The following PEX7 variants were observed in gnomAD, a reference collection of about 807,000 sequenced individuals.
PEX7 encodes the protein PTS2 receptor.
A neutral mutation model predicts 47.5 loss-of-function variants in PEX7; 34 were observed. The ratio of observed to expected loss-of-function variants is 0.72; its 90% confidence interval spans 0.54 to 0.95. The LOEUF (loss-of-function observed/expected upper bound fraction) is 0.95, where lower values mean the gene tolerates loss of function less well. Ranked by LOEUF, PEX7 falls within the 40% of genes least tolerant of loss-of-function variation. The probability of loss-of-function intolerance (pLI) is 0.00; values close to 1 mark genes in which losing one functional copy is unlikely to be tolerated. For synonymous variants in PEX7, 141 were observed against 148.8 expected (o/e 0.95, Z 0.38); for missense variants, 394 against 400.3 (o/e 0.98, Z 0.13).
chr6:136,845,924 TCAAAA>T, intron 4 of PEX7, 144 bp from the exon 5 acceptor site: 1 of 676,042 alleles, frequency 1.5e-6, no homozygotes, highest in Admixed American at 2.4e-5. Context: ...TTGCTTTATA[TCAAAA>T]CAGATCTTTA....
intron 8 of PEX7, among the ~76,000 whole-genome samples, chr6:136,897,585 T>G (rs1775673722): frequency 6.6e-6 from 1 of 152,140 alleles, no homozygotes. Context: ...AGGCTGTGCC[T>G]CAAAAAAGAA....
At chr6:136,836,448 T>C (rs886379082) in intron 3 of PEX7, among the ~76,000 whole-genome samples, 7 of 152,182 alleles carry the variant, frequency 4.6e-5, no homozygotes, top group Non-Finnish European at 7.3e-5. Context: ...AGTTTTGACC[T>C]TGGAACCATT....
chr6:136,887,942 T>A (rs1452103557), intron 8 of PEX7, among the ~76,000 whole-genome samples: 1 of 152,140 alleles, frequency 6.6e-6, no homozygotes, highest in East Asian at 1.9e-4. Flanking sequence ...ACCTTTTATC[T>A]TTGTCACAGA....
At chr6:136,899,023 T>G (rs1775703244) in intron 9 of PEX7, among the ~76,000 whole-genome samples, 1 of 151,994 alleles carries the variant, frequency 6.6e-6, no homozygotes, top group Non-Finnish European at 1.5e-5. Context: ...AAAATCCCAC[T>G]TCACATTAAT....
intron 5 of PEX7, among the ~76,000 whole-genome samples, chr6:136,848,748 T>G (rs1390244555): frequency 5.3e-5 from 8 of 152,226 alleles, no homozygotes; most frequent in African/African-American, 1.7e-4. Flanking sequence ...TAGATTCAGT[T>G]TGCCAGTATT....
At chr6:136,859,377 G>T (rs1019820234) in intron 5 of PEX7, among the ~76,000 whole-genome samples, 6 of 152,080 alleles carry the variant, frequency 3.9e-5, no homozygotes, top group African/African-American at 1.4e-4. Flanking sequence ...CTCTTTTTAT[G>T]AAGAGGATTA....
chr6:136,865,944 G>C (rs1258003455), intron 5 of PEX7, among the ~76,000 whole-genome samples: 1 of 152,044 alleles, frequency 6.6e-6, no homozygotes, highest in African/African-American at 2.4e-5. Flanking sequence ...TTAGCTGGGC[G>C]TGGTGGTGTG....
chr6:136,870,337 T>C (rs1451258242), intron 7 of PEX7, among the ~76,000 whole-genome samples: 1 of 152,238 alleles, frequency 6.6e-6, no homozygotes, highest in Non-Finnish European at 1.5e-5. Context: ...AAGTTTCTAA[T>C]TAGCGAGAGT....
At chr6:136,837,812 C>CCACACACACACA (rs34680868) in intron 3 of PEX7, among the ~76,000 whole-genome samples, 7 of 146,812 alleles carry the variant, frequency 4.8e-5, no homozygotes, top group African/African-American at 1.0e-4. Context: ...AATTTAAACG[C>CCACACACACACA]CACACACACA....
At position 136,870,027 on chromosome 6, in the gene PEX7, T is replaced by C. The variant is rs1398622251; in HGVS notation, c.747+24T>C. The C allele has an allele frequency of 2.9e-6, 4 of 1,360,256 alleles. No homozygotes were observed. In the Admixed American group the frequency reaches 7.2e-5, roughly 24 times the overall value. The allele number at this position is 1,360,256 out of a possible 1,614,324, so 84.3% of individuals were successfully genotyped here. On this transcript the variant is annotated intron_variant, in intron 7 of 9. Coordinates refer to ENST00000318471, the MANE Select transcript of PEX7 (RefSeq NM_000288.4). ...AAGTAAGTTTTCATCTTTTCTTTTA[T>C]ATGTAGAATAAAATTATATAAATAT...
chr6:136,872,154 A>C (rs763264768), intron 7 of PEX7, 44 bp from the exon 8 acceptor site: 1 of 1,504,942 alleles, frequency 6.6e-7, no homozygotes, highest in South Asian at 1.2e-5. Context: ...TTATAATCAC[A>C]GCTGACTTCA....
At chr6:136,911,922 C>G (rs1775940065) in intron 9 of PEX7, among the ~76,000 whole-genome samples, 1 of 152,168 alleles carries the variant, frequency 6.6e-6, no homozygotes, top group South Asian at 2.1e-4. Flanking sequence ...TGTATGTGAT[C>G]ACAGCTGTTC....
Position 136,822,600 on chromosome 6 carries a change from C to T in PEX7, c.-66C>T. ...GTCTGCCTGGTCTCTCTAACCGCGC[C>T]AGTGTGCCTCCGACTCGGAACGGCT... is the stretch of plus-strand genomic sequence containing the variant. On this transcript the variant is annotated 5_prime_UTR_variant, in exon 1 of 10. Transcript: ENST00000318471. 1 of 1,420,678 alleles carries T rather than the reference C, an allele frequency of 7.0e-7. No homozygotes were observed. Among genetic ancestry groups the T allele is most frequent in the African/African-American group, 1.4e-5 (1 of 69,722 alleles). The allele number at this position is 1,420,678 out of a possible 1,614,324, so 88.0% of individuals were successfully genotyped here. A position where few individuals can be genotyped will look rare whatever the true frequency, so the allele number is the denominator to read the frequency against.
intron 5 of PEX7, among the ~76,000 whole-genome samples, chr6:136,864,315 TA>T (rs3041780): frequency 0.21 from 32,360 of 151,020 alleles, 4,238 homozygotes; most frequent in African/African-American, 0.38. Context: ...TTTTTTCTCA[TA>T]AAAAAAAAAC....
rs566083518 is a variant in PEX7 at position 136,823,885 on chromosome 6, C to T, written c.130+1090C>T. Reference sequence around the variant, plus strand: ...AGCCTGGGCAAGAAGAGCAAAACTCCGTCTCAAAAAAAAGAGTCCATCTAG... The same window carrying T: ...AGCCTGGGCAAGAAGAGCAAAACTCTGTCTCAAAAAAAAGAGTCCATCTAG... On this transcript the variant is annotated intron_variant, in intron 1 of 9. Coordinates refer to ENST00000318471, the MANE Select transcript of PEX7 (RefSeq NM_000288.4). Among the ~76,000 whole-genome samples, 8 of 152,114 alleles carry T rather than the reference C, an allele frequency of 5.3e-5. No homozygotes were observed. In the East Asian group the frequency reaches 1.5e-3, roughly 29 times the overall value.
At chr6:136,892,655 A>C (rs1336259156) in intron 8 of PEX7, among the ~76,000 whole-genome samples, 4 of 152,198 alleles carry the variant, frequency 2.6e-5, no homozygotes, top group African/African-American at 7.2e-5. Flanking sequence ...TACATGCAAA[A>C]GATACAAAGA....
chr6:136,909,379 C>A (rs561502273), intron 9 of PEX7, among the ~76,000 whole-genome samples: 4 of 152,184 alleles, frequency 2.6e-5, no homozygotes, highest in Non-Finnish European at 5.9e-5. Context: ...ACATCTCTGA[C>A]CTCACACCTA....
At chr6:136,893,486 G>A (rs1045813433) in intron 8 of PEX7, among the ~76,000 whole-genome samples, 18 of 152,278 alleles carry the variant, frequency 1.2e-4, no homozygotes, top group African/African-American at 4.3e-4. Context: ...TTGTCATTAC[G>A]TTTGTGTTTT....
intron 5 of PEX7, among the ~76,000 whole-genome samples, chr6:136,858,211 C>T (rs1774896948): frequency 6.6e-6 from 1 of 152,148 alleles, no homozygotes; most frequent in South Asian, 2.1e-4. Context: ...CTGGTCAGGT[C>T]ACTTCCCTGA....
Sources: gnomAD v4.1 joint callset for allele counts (sites outside exome capture counted in the v4.1 genomes callset) on GRCh38, gnomAD v4.1.1 for gene constraint, MANE v1.5 for transcripts, NCBI Gene and HGNC (gene_info 2026-07-23, HGNC 2026-07-21) for gene names.